The following RGS8 variants were observed in gnomAD, a reference collection of about 807,000 sequenced individuals.
The protein encoded by RGS8 is regulator of G-protein signaling 8.
Under a neutral mutation model 21.7 loss-of-function variants are expected in RGS8, and 8 were observed. That is an observed-to-expected ratio of 0.37 (90% confidence interval 0.22 to 0.66). The LOEUF (loss-of-function observed/expected upper bound fraction) is 0.66. Among genes scored for constraint, RGS8 ranks in the 30% least tolerant of loss-of-function variants. The pLI is 0.59. For missense variants in RGS8, 157 were observed against 217.9 expected (o/e 0.72, Z 1.76); for synonymous variants, 80 against 83.6 (o/e 0.96, Z 0.24).
chr1:182,723,684 C>CCAGG, the RGS8 span, among the ~76,000 whole-genome samples: 4 of 151,842 alleles, frequency 2.6e-5, no homozygotes, highest in East Asian at 7.7e-4. Context: ...ACCAGGAAGC[C>CCAGG]CAGGTCCTTG....
At chr1:182,672,921 T>C, upstream of RGS8, 1 of 1,414,900 alleles carries the variant, frequency 7.1e-7, no homozygotes, top group Non-Finnish European at 1.0e-6. Context: ...GAACCAGCAG[T>C]GTCAGCATCA....
the RGS8 span, among the ~76,000 whole-genome samples, chr1:182,709,512 C>T: frequency 6.6e-6 from 1 of 152,178 alleles, no homozygotes; most frequent in East Asian, 1.9e-4. Flanking sequence ...ATCTTTGGAA[C>T]TCAGGGACTG....
downstream of RGS8, chr1:182,645,709 C>G (rs961879054): frequency 6.6e-6 from 1 of 152,156 alleles, no homozygotes; most frequent in Non-Finnish European, 1.5e-5. Flanking sequence ...AGCCTAAATT[C>G]CCATTCTCCC....
intron 5 of RGS8, among the ~76,000 whole-genome samples, chr1:182,649,605 G>A (rs564485858): frequency 1.2e-4 from 18 of 152,262 alleles, no homozygotes; most frequent in African/African-American, 4.1e-4. Context: ...TTGTCAAGCA[G>A]TGCTTCCAAC....
the RGS8 span, among the ~76,000 whole-genome samples, chr1:182,730,107 G>A: frequency 1.3e-5 from 2 of 152,198 alleles, no homozygotes; most frequent in Non-Finnish European, 2.9e-5. Flanking sequence ...CAAGAAGTTT[G>A]AAATTCACTT....
Position 182,658,323 on chromosome 1 carries a change from G to A in RGS8, c.193+7646C>T, listed in dbSNP as rs528798742. ...TTAGGTAACAGTTCAAGGCCCAGGA[G>A]CACTGATGTAGCTGGCATCAGGGTG... On this transcript the variant is annotated intron_variant, in intron 5 of 6. Coordinates refer to ENST00000483095, the Ensembl canonical transcript of RGS8. 3 of 152,328 alleles carry A rather than the reference G, an allele frequency of 2.0e-5. No individual in the cohort carries two copies. In the South Asian group the frequency reaches 6.2e-4, roughly 32 times the overall value. 9.4% of individuals were successfully genotyped at this position (152,328 alleles called of 1,614,324 possible).
At chr1:182,685,470 A>G (rs201756447), upstream of RGS8, among the ~76,000 whole-genome samples, 1 of 152,230 alleles carries the variant, frequency 6.6e-6, no homozygotes, top group South Asian at 2.1e-4. Context: ...ATTTACAACC[A>G]CAGCCAGAGA....
chr1:182,673,978 G>C (rs1391928666), upstream of RGS8, among the ~76,000 whole-genome samples: 1 of 152,178 alleles, frequency 6.6e-6, no homozygotes, highest in Non-Finnish European at 1.5e-5. Flanking sequence ...AATTTACAAA[G>C]CCAACACCTT....
chr1:182,747,848 GAA>G, the RGS8 span, among the ~76,000 whole-genome samples: 5 of 139,274 alleles, frequency 3.6e-5, no homozygotes, highest in Admixed American at 1.4e-4. Context: ...CTAAAAATAC[GAA>G]AAAAAAAAAA....
At chr1:182,666,815 G>A (rs1274620882) in intron 4 of RGS8, 57 bp downstream of exon 5, 9 of 1,303,876 alleles carry the variant, frequency 6.9e-6, no homozygotes, top group Non-Finnish European at 1.0e-5. Context: ...CACTAAAGAA[G>A]TGAGCTATAT....
At chr1:182,749,389 T>G in the RGS8 span, among the ~76,000 whole-genome samples, 1 of 152,224 alleles carries the variant, frequency 6.6e-6, no homozygotes, top group Non-Finnish European at 1.5e-5. Flanking sequence ...AATAATGAGT[T>G]GGATTTAAAT....
chr1:182,690,413 C>A, the RGS8 span, among the ~76,000 whole-genome samples: 1 of 152,196 alleles, frequency 6.6e-6, no homozygotes. Flanking sequence ...CCCAGGTATT[C>A]AAATATCAGT....
At chr1:182,649,832 G>C (rs1662910854) in intron 5 of RGS8, among the ~76,000 whole-genome samples, 1 of 151,636 alleles carries the variant, frequency 6.6e-6, no homozygotes, top group Non-Finnish European at 1.5e-5. Context: ...TGTTCTACTG[G>C]TTATAAAAGA....
upstream of RGS8, among the ~76,000 whole-genome samples, chr1:182,674,018 A>C (rs1664276409): frequency 6.6e-6 from 1 of 152,262 alleles, no homozygotes; most frequent in African/African-American, 2.4e-5. Flanking sequence ...ATGGAGAAAC[A>C]GAGACGCGTC....
chr1:182,735,048 C>T, the RGS8 span, among the ~76,000 whole-genome samples: 167 of 152,130 alleles, frequency 1.1e-3, no homozygotes, highest in African/African-American at 3.9e-3. Context: ...TTTAATACTA[C>T]GTTTTTGAAA....
the RGS8 span, among the ~76,000 whole-genome samples, chr1:182,748,399 A>G: frequency 2.0e-5 from 3 of 152,346 alleles, no homozygotes; most frequent in African/African-American, 7.2e-5. Flanking sequence ...TGCACTTAAC[A>G]TAATATCCTC....
chr1:182,714,893 T>A, the RGS8 span, among the ~76,000 whole-genome samples: 2 of 152,240 alleles, frequency 1.3e-5, no homozygotes, highest in Admixed American at 1.3e-4. Context: ...TCCAAATGTT[T>A]GGCATTTTCT....
At chr1:182,741,183 G>T in the RGS8 span, among the ~76,000 whole-genome samples, 10,175 of 144,138 alleles carry the variant, frequency 0.071, 327 homozygotes, top group East Asian at 0.12. Context: ...CGGGTGGGGG[G>T]CTGACCCCCC....
chr1:182,696,555 A>G, the RGS8 span, among the ~76,000 whole-genome samples: 1 of 151,982 alleles, frequency 6.6e-6, no homozygotes, highest in Non-Finnish European at 1.5e-5. Flanking sequence ...ATGGGATTTC[A>G]CCAGGCTGTT....
Sources: allele counts gnomAD v4.1 joint callset (sites outside exome capture counted in the v4.1 genomes callset), GRCh38; gene constraint gnomAD v4.1.1; transcripts MANE v1.5; gene names NCBI Gene and HGNC (gene_info 2026-07-23, HGNC 2026-07-21).